Variants in KRCC1 observed in about 807,000 individuals in gnomAD.
KRCC1 encodes the protein lysine rich coiled-coil 1.
In KRCC1, 3 loss-of-function variants were observed where a neutral mutation model predicts 7.4. That is an observed-to-expected ratio of 0.40 (90% CI 0.18 to 1.04). KRCC1 has a LOEUF of 1.04. KRCC1 is among the 50% of genes least tolerant of loss of function. The probability of loss-of-function intolerance (pLI) is 0.33; values close to 1 mark genes in which losing one functional copy is unlikely to be tolerated. For missense variants in KRCC1, 277 were observed against 300.9 expected, an observed-to-expected ratio of 0.92 and a Z score of 0.59; for synonymous variants, 102 against 101.6, an observed-to-expected ratio of 1.00 and a Z score of -0.02.
intron 3 of KRCC1, among the ~76,000 whole-genome samples, chr2:88,028,930 C>T (rs1672939588): frequency 6.6e-6 from 1 of 152,156 alleles, no homozygotes; most frequent in South Asian, 2.1e-4. Context: ...GGATTACAGG[C>T]ATGAGCCACT....
chr2:88,052,625 CAA>C (rs1379018882), intron 1 of KRCC1, among the ~76,000 whole-genome samples: 1 of 152,190 alleles, frequency 6.6e-6, no homozygotes, highest in Middle Eastern at 3.2e-3. Context: ...TCTATCTCAT[CAA>C]AAGACTTGTC....
At chr2:88,055,454 T>C (rs917274173) in intron 1 of KRCC1, among the ~76,000 whole-genome samples, 172 bp downstream of exon 1, 1 of 151,924 alleles carries the variant, frequency 6.6e-6, no homozygotes, top group African/African-American at 2.4e-5. Flanking sequence ...CTGGCGTCTC[T>C]TTCCGGGGGC....
chr2:88,053,690 G>A (rs965293705), intron 1 of KRCC1, among the ~76,000 whole-genome samples: 1 of 152,130 alleles, frequency 6.6e-6, no homozygotes, highest in Non-Finnish European at 1.5e-5. Flanking sequence ...AATGTTTTAA[G>A]AAATCTGCAG....
intron 1 of KRCC1, among the ~76,000 whole-genome samples, chr2:88,046,667 C>G (rs1053773241): frequency 6.6e-6 from 1 of 152,120 alleles, no homozygotes; most frequent in Non-Finnish European, 1.5e-5. Context: ...GATTTTGAAC[C>G]AACTTTCTGT....
intron 3 of KRCC1, among the ~76,000 whole-genome samples, chr2:88,029,913 T>G (rs1327911846): frequency 6.7e-6 from 1 of 149,734 alleles, no homozygotes; most frequent in Non-Finnish European, 1.5e-5. Context: ...AATGGCACGA[T>G]CTCGTCTCAC....
chr2:88,036,757 T>C (rs887768345), intron 2 of KRCC1, among the ~76,000 whole-genome samples, 186 bp downstream of exon 2: 5 of 152,184 alleles, frequency 3.3e-5, no homozygotes, highest in African/African-American at 1.2e-4. Context: ...AGCTTCAGAA[T>C]TAGAAAGATC....
intron 1 of KRCC1, among the ~76,000 whole-genome samples, chr2:88,052,276 C>T (rs1354711167): frequency 6.6e-6 from 1 of 152,128 alleles, no homozygotes; most frequent in Non-Finnish European, 1.5e-5. Flanking sequence ...GCATCATGTC[C>T]AATACTGGAA....
intron 1 of KRCC1, among the ~76,000 whole-genome samples, chr2:88,052,426 T>C (rs964291794): frequency 1.3e-5 from 2 of 152,242 alleles, no homozygotes; most frequent in Non-Finnish European, 2.9e-5. Context: ...ACTTCCTCAA[T>C]AAATGAAGAG....
At chr2:88,047,327 C>T (rs555676418) in intron 1 of KRCC1, among the ~76,000 whole-genome samples, 3 of 152,186 alleles carry the variant, frequency 2.0e-5, no homozygotes, top group Non-Finnish European at 4.4e-5. Flanking sequence ...AAGCGATCCT[C>T]CTGCCTCGGC....
intron 1 of KRCC1, among the ~76,000 whole-genome samples, chr2:88,046,895 A>T (rs945446014): frequency 2.0e-5 from 3 of 152,122 alleles, no homozygotes; most frequent in Admixed American, 6.6e-5. Flanking sequence ...GTTGGTCTCG[A>T]ACCTCTGGGC....
chr2:88,055,751 T>A lies in KRCC1; in HGVS notation c.-416A>T, dbSNP rs1673611530. ...AACAACCGCTGCCGCCACCGCCGCCTCCGCCGCCGAGCAGGCTGGATGGGA... is the reference window on the plus strand; with the variant it reads ...AACAACCGCTGCCGCCACCGCCGCCACCGCCGCCGAGCAGGCTGGATGGGA... On this transcript the variant is annotated 5_prime_UTR_variant, in exon 1 of 4. Transcript: ENST00000347055. The A allele has an allele frequency of 1.3e-5, 2 of 154,390 alleles. No individual in the cohort carries two copies. Among genetic ancestry groups the A allele is most frequent in the South Asian group, 1.9e-4 (1 of 5,214 alleles). The allele number at this position is 154,390 out of a possible 1,614,324, so 9.6% of individuals were successfully genotyped here.
chr2:88,031,146 G>A (rs1441713308), intron 3 of KRCC1, among the ~76,000 whole-genome samples: 2 of 152,046 alleles, frequency 1.3e-5, no homozygotes, highest in Non-Finnish European at 2.9e-5. Context: ...TCCTTCAGAA[G>A]GTATTCCAGA....
At chr2:88,029,463 C>G (rs1222081110) in intron 3 of KRCC1, among the ~76,000 whole-genome samples, 1 of 146,854 alleles carries the variant, frequency 6.8e-6, no homozygotes, top group Non-Finnish European at 1.5e-5. Flanking sequence ...ATGAAAACTA[C>G]TTTTAGGTAT....
At chr2:88,042,539 A>G (rs985065312) in intron 1 of KRCC1, among the ~76,000 whole-genome samples, 1 of 151,342 alleles carries the variant, frequency 6.6e-6, no homozygotes, top group African/African-American at 2.4e-5. Context: ...CGCCTCAGCC[A>G]CCAGAATAGC....
intron 3 of KRCC1, among the ~76,000 whole-genome samples, chr2:88,030,487 A>C (rs1166630505): frequency 6.6e-6 from 1 of 152,088 alleles, no homozygotes; most frequent in African/African-American, 2.4e-5. Context: ...AAATATGGGC[A>C]AACTATTTTA....
intron 1 of KRCC1, among the ~76,000 whole-genome samples, chr2:88,053,051 T>C (rs1673531544): frequency 6.6e-6 from 1 of 152,122 alleles, no homozygotes; most frequent in Non-Finnish European, 1.5e-5. Flanking sequence ...GAATTATGAT[T>C]GGCTCTTCTC....
Position 88,037,059 on chromosome 2 carries a change from T to G in KRCC1, c.-290-8A>C, listed in dbSNP as rs1673105869. ...GTTCATTCAATGTGGTATCTATCAA[T>G]AAAAGAGAGGTAAGACAGAAGATTA... On this transcript the variant is annotated splice_region_variant and splice_polypyrimidine_tract_variant and intron_variant, in intron 1 of 3. Coordinates refer to ENST00000347055, the MANE Select transcript of KRCC1 (RefSeq NM_016618.3). 6.6e-6 allele frequency: 1 copy of G among 152,164 alleles called. No individual in the cohort carries two copies. The allele number at this position is 152,164 out of a possible 1,614,324, so 9.4% of individuals were successfully genotyped here. A position where few individuals can be genotyped will look rare whatever the true frequency, so the allele number is the denominator to read the frequency against.
At chr2:88,034,692 T>C (rs1423426942) in intron 2 of KRCC1, among the ~76,000 whole-genome samples, 1 of 152,160 alleles carries the variant, frequency 6.6e-6, no homozygotes, top group Non-Finnish European at 1.5e-5. Context: ...TAAATACATT[T>C]TGAATATACA....
In KRCC1 at chr2:88,028,150, C is replaced by T. The variant is rs748332496; in HGVS notation, c.414G>A (p.Lys138=). The part of the protein sequence containing the change: ...GSHGVEHRVY[K]HFSSDNSTST... ...TGGTACTGTTATCTGAGGAGAAGTGCTTGTAAACTCTATGTTCTACACCAT... is the reference window on the plus strand; with the variant it reads ...TGGTACTGTTATCTGAGGAGAAGTGTTTGTAAACTCTATGTTCTACACCAT... Residue 138 remains lysine, a synonymous_variant, in exon 4 of 4, where the codon AAG becomes AAA. Coordinates refer to ENST00000347055, the MANE Select transcript of KRCC1 (RefSeq NM_016618.3). 1.2e-6 allele frequency: 2 copies of T among 1,613,990 alleles called. No individual in the cohort carries two copies. The highest frequency in any genetic ancestry group is 4.5e-5 in the East Asian group (2 of 44,864).
Sources: gnomAD v4.1 joint callset for allele counts (sites outside exome capture counted in the v4.1 genomes callset) on GRCh38, gnomAD v4.1.1 for gene constraint, MANE v1.5 for transcripts, NCBI Gene and HGNC (gene_info 2026-07-23, HGNC 2026-07-21) for gene names.